Variants in ANGEL1 observed in about 807,000 individuals in gnomAD.
The protein encoded by ANGEL1 is RNA 2',3'-cyclic phosphatase ANGEL1.
A neutral mutation model predicts 76.4 loss-of-function variants in ANGEL1; 62 were observed. The observed-to-expected ratio is 0.81, with a 90% confidence interval of 0.66 to 1.00. The LOEUF is 1.00. Among genes scored for constraint, ANGEL1 ranks in the 50% least tolerant of loss-of-function variants. The pLI, the probability that ANGEL1 is intolerant of heterozygous loss-of-function variation, is 0.00. For missense variants in ANGEL1, 737 were observed against 836.7 expected (o/e 0.88, Z 1.47); for synonymous variants, 340 against 331.7 (o/e 1.03, Z -0.27).
chr14:76,812,350 G>A (rs1895112674), intron 1 of ANGEL1: 6 of 1,026,046 alleles, frequency 5.8e-6, no homozygotes, highest in African/African-American at 1.7e-5. Context: ...AAACCTCCCA[G>A]AGCCGACCCG....
rs1379364137 is a variant in ANGEL1 at position 76,803,894 on chromosome 14, A to G, written c.1399T>C (p.Phe467Leu). ...PAWKVSGQEDFSHQLYQRKLQ... is the reference protein window; with the variant it reads ...PAWKVSGQEDLSHQLYQRKLQ... The stretch of plus-strand genomic sequence containing the variant: ...TTCCTCTGGTAAAGCTGATGGGAGA[A>G]GTCTTCCTGTCCAGATACCTGGGTG... The change falls in exon 6 of 10, where the codon TTC (phenylalanine) becomes CTC (leucine). Residue 467 changes from phenylalanine (F) to leucine (L), a missense_variant. This residue lies in a region of ANGEL1 where 296 missense variants were observed against 387.2 expected (regional missense o/e 0.76). Coordinates refer to ENST00000251089, the MANE Select transcript of ANGEL1 (RefSeq NM_015305.4). The G allele has an allele frequency of 3.7e-6, 6 of 1,614,134 alleles. No homozygotes were observed. In the African/African-American group the frequency reaches 8.0e-5, roughly 22 times the overall value.
At position 76,809,151 on chromosome 14, in the gene ANGEL1, G is replaced by A. The variant is rs752539728; in HGVS notation, c.557C>T (p.Ala186Val). ...EDPAVLAWSI[A>V]PEPVPQEEAS... is the part of the protein sequence containing the mutation. ...CTCTTCCTGGGGCACAGGCTCAGGT[G>A]CTATGCTCCAGGCCAACACCGCTGG... Residue 186 changes from alanine to valine, a missense_variant, in exon 2 of 10, where the codon GCA becomes GTA. By Grantham distance (64) the Ala-to-Val change is moderately conservative. This residue lies in a region of ANGEL1 where 441 missense variants were observed against 449.5 expected (regional missense o/e 0.98). Transcript: ENST00000251089. 1.9e-6 allele frequency: 3 copies of A among 1,614,158 alleles called. No homozygotes were observed. The highest frequency in any genetic ancestry group is 1.3e-5 in the African/African-American group (1 of 75,054).
intron 9 of ANGEL1, among the ~76,000 whole-genome samples, chr14:76,790,004 A>G (rs1434053511): frequency 1.3e-5 from 2 of 151,818 alleles, no homozygotes; most frequent in Non-Finnish European, 2.9e-5. Flanking sequence ...AGCTGGGATT[A>G]CAGACACCGT....
intron 8 of ANGEL1, 46 bp from the exon 9 acceptor site, chr14:76,790,820 T>A: frequency 6.6e-7 from 1 of 1,508,220 alleles, no homozygotes; most frequent in Non-Finnish European, 8.9e-7. Context: ...AATTACTAAA[T>A]TTTCCCTAGA....
At chr14:76,797,685 GCTGTGTGA>G (rs1894623535) in intron 7 of ANGEL1, among the ~76,000 whole-genome samples, 1 of 152,254 alleles carries the variant, frequency 6.6e-6, no homozygotes, top group African/African-American at 2.4e-5. Context: ...CTTAGCCTTT[GCTGTGTGA>G]CTGTGTGACC....
At chr14:76,791,467 G>T in intron 7 of ANGEL1, 101 bp from the exon 8 acceptor site, 1 of 1,080,412 alleles carries the variant, frequency 9.3e-7, no homozygotes, top group Non-Finnish European at 1.4e-6. Flanking sequence ...TGACTGGATT[G>T]CTTCAGAAGG....
At chr14:76,802,381 A>C (rs1894792174) in intron 7 of ANGEL1, among the ~76,000 whole-genome samples, 1 of 152,132 alleles carries the variant, frequency 6.6e-6, no homozygotes, top group African/African-American at 2.4e-5. Flanking sequence ...GAATTAGTTA[A>C]GGTTTTTCTG....
chr14:76,807,000 T>C, intron 4 of ANGEL1, 151 bp from the exon 5 acceptor site: 1 of 891,100 alleles, frequency 1.1e-6, no homozygotes, highest in South Asian at 1.7e-5. Flanking sequence ...TTCAGCAGGT[T>C]CCCCCTTACA....
chr14:76,811,207 G>C (rs1431694217), intron 1 of ANGEL1, among the ~76,000 whole-genome samples: 2 of 152,184 alleles, frequency 1.3e-5, no homozygotes, highest in Non-Finnish European at 2.9e-5. Flanking sequence ...CACACCAAAT[G>C]ATCCGGTCCA....
intron 2 of ANGEL1, 46 bp downstream of exon 2, chr14:76,809,013 G>C (rs749902695): frequency 6.5e-7 from 1 of 1,547,398 alleles, no homozygotes; most frequent in Non-Finnish European, 8.8e-7. Flanking sequence ...GCCCACACCT[G>C]AGACACCCTG....
At chr14:76,802,100 AGGCAGAG>A (rs1431007261) in intron 7 of ANGEL1, among the ~76,000 whole-genome samples, 2 of 152,156 alleles carry the variant, frequency 1.3e-5, no homozygotes, top group African/African-American at 4.8e-5. Flanking sequence ...TGAACCCAGG[AGGCAGAG>A]GTTGTAGTGA....
intron 5 of ANGEL1, 103 bp from the exon 6 acceptor site, chr14:76,804,015 C>A (rs1033157933): frequency 8.1e-6 from 13 of 1,610,804 alleles, no homozygotes; most frequent in Non-Finnish European, 1.1e-5. Flanking sequence ...CATACAATCA[C>A]ACACTACGTA....
At chr14:76,795,783 A>G (rs1290218560) in intron 7 of ANGEL1, among the ~76,000 whole-genome samples, 1 of 152,202 alleles carries the variant, frequency 6.6e-6, no homozygotes, top group African/African-American at 2.4e-5. Context: ...TTGAGCAAAA[A>G]CAACAAAAAA....
chr14:76,812,204 T>C, intron 1 of ANGEL1: 18 of 970,422 alleles, frequency 1.9e-5, no homozygotes, highest in Non-Finnish European at 2.1e-5. Context: ...GCTCCAAAGC[T>C]GAGATCTAAA....
Position 76,812,817 on chromosome 14 carries a change from G to C in ANGEL1, c.11C>G (p.Ser4Trp), listed in dbSNP as rs760919674. Residue 4 changes from serine to tryptophan, a missense_variant, in exon 1 of 10, where the codon TCG (serine) becomes TGG (tryptophan). Around this residue, in one of 2 missense-constraint regions of ANGEL1, gnomAD observed 441 missense variants for 449.5 expected, o/e 0.98. Transcript: ENST00000251089. ...CGGCAGCAGCAGGTAACACAAGCAC[G>C]ACGCGATCATGGCCGGCCGCCCGCG... MIA[S>W]CLCYLLLPAT... The C allele has an allele frequency of 1.3e-6, 2 of 1,516,696 alleles. No homozygotes were observed. Among genetic ancestry groups the C allele is most frequent in the Non-Finnish European group, 1.8e-6 (2 of 1,136,972 alleles). The allele number at this position is 1,516,696 out of a possible 1,614,324, so 94.0% of individuals were successfully genotyped here.
Position 76,789,382 on chromosome 14 carries a change from CTG to C in ANGEL1, c.1857_1858del (p.His619GlnfsTer19). 1 of 1,614,156 alleles carries C rather than the reference CTG, an allele frequency of 6.2e-7. No individual in the cohort carries two copies. Among genetic ancestry groups the C allele is most frequent in the Non-Finnish European group, 8.5e-7 (1 of 1,180,004 alleles). ...CTTGAGAGTTCCATCTCGATACAGCCTGTGATCTGGGGCACAAAGCAGAAGCC... is the reference window on the plus strand; with the variant it reads ...CTTGAGAGTTCCATCTCGATACAGCCTGATCTGGGGCACAAAGCAGAAGCC... On this transcript the variant is annotated frameshift_variant, in exon 10 of 10. Transcript: ENST00000251089. LOFTEE classifies it high-confidence loss of function.
At position 76,791,293 on chromosome 14, in the gene ANGEL1, T is replaced by A. The variant is rs201471357; in HGVS notation, c.1688+4A>T. 3.1e-6 allele frequency: 5 copies of A among 1,614,010 alleles called. No homozygotes were observed. The highest frequency in any genetic ancestry group is 4.2e-6 in the Non-Finnish European group (5 of 1,179,940). On this transcript the variant is annotated splice_donor_region_variant and intron_variant, in intron 8 of 9. Coordinates refer to ENST00000251089, the MANE Select transcript of ANGEL1 (RefSeq NM_015305.4). ...GAAAACAGAAGAGAACTGGAGAAGG[T>A]TACCTGGAGAAGGCAGGCTCAAGCT...
At chr14:76,791,497 G>T in intron 7 of ANGEL1, 131 bp from the exon 8 acceptor site, 1 of 782,368 alleles carries the variant, frequency 1.3e-6, no homozygotes, top group African/African-American at 1.8e-5. Flanking sequence ...GAGAAAGGGA[G>T]AAACAGTGAG....
At chr14:76,791,411 T>A in intron 7 of ANGEL1, 45 bp from the exon 8 acceptor site, 1 of 1,579,670 alleles carries the variant, frequency 6.3e-7, no homozygotes, top group Non-Finnish European at 8.7e-7. Flanking sequence ...CCACAGACAG[T>A]GAAGCAGGAT....
Sources: allele counts gnomAD v4.1 joint callset (sites outside exome capture counted in the v4.1 genomes callset), GRCh38; gene constraint gnomAD v4.1.1; regional missense constraint gnomAD v4.1.1; transcripts MANE v1.5; gene names NCBI Gene and HGNC (gene_info 2026-07-23, HGNC 2026-07-21).